Variants in TXNDC11 observed in about 807,000 individuals in gnomAD.
The protein encoded by TXNDC11 is thioredoxin domain-containing protein 11.
A neutral mutation model predicts 78.0 loss-of-function variants in TXNDC11; 68 were observed. The observed-to-expected ratio is 0.87, with a 90% CI of 0.72 to 1.07. TXNDC11 has a LOEUF of 1.07. Among genes scored for constraint, TXNDC11 ranks in the 50% least tolerant of loss-of-function variants. The probability of loss-of-function intolerance (pLI) is 0.00; values close to 1 mark genes in which losing one functional copy is unlikely to be tolerated. For synonymous variants in TXNDC11, 571 were observed against 495.2 expected (o/e 1.15, Z -2.03); for missense variants, 1,389 against 1,221.8 (o/e 1.14, Z -2.04).
At chr16:11,702,056 ATGTG>A (rs903858375) in intron 5 of TXNDC11, among the ~76,000 whole-genome samples, 47 of 146,712 alleles carry the variant, frequency 3.2e-4, no homozygotes, top group African/African-American at 1.2e-3. Flanking sequence ...TATAAAAGTT[ATGTG>A]TGTGTATGTG....
intron 2 of TXNDC11, among the ~76,000 whole-genome samples, chr16:11,735,303 T>C (rs1017791562): frequency 6.6e-6 from 1 of 152,214 alleles, no homozygotes; most frequent in African/African-American, 2.4e-5. Context: ...TAAAGGTATA[T>C]GGACCTGTTC....
In TXNDC11 at chr16:11,684,208, T is replaced by C. The variant is rs183613561; in HGVS notation, c.2191A>G (p.Met731Val). 7.4e-6 allele frequency: 12 copies of C among 1,613,856 alleles called. No individual in the cohort carries two copies. The highest frequency in any genetic ancestry group is 1.3e-5 in the African/African-American group (1 of 75,014). Residue 731 changes from methionine (M) to valine (V), a missense_variant, in exon 11 of 12, where the codon ATG becomes GTG. By Grantham distance (21) the Met-to-Val change is conservative. Coordinates refer to ENST00000283033, the MANE Select transcript of TXNDC11 (RefSeq NM_015914.7). ...VSQNDLPWEF[M>V]VDRLPTVLFF... is the part of the protein sequence containing the mutation. Reference sequence around the variant, plus strand: ...AAGACAGTAGGAAGACGATCGACCATAAATTCCCAAGGAAGGTCATTCTGA... The same window carrying C: ...AAGACAGTAGGAAGACGATCGACCACAAATTCCCAAGGAAGGTCATTCTGA...
Position 11,727,497 on chromosome 16 carries a change from T to C in TXNDC11, c.699+3148A>G, listed in dbSNP as rs1286815486. On this transcript the variant is annotated intron_variant, in intron 4 of 11. Transcript: ENST00000283033. ...TCTTGACCAAAACAAGTATCTTTCA[T>C]AGTAAGATGTCTTTAAATTAGCAAG... Among the ~76,000 whole-genome samples, 11 of 152,320 alleles carry C rather than the reference T, an allele frequency of 7.2e-5. No homozygotes were observed. The South Asian group carries it at 2.3e-3, about 32-fold the overall frequency.
chr16:11,721,012 G>A (rs1427835621), intron 5 of TXNDC11, among the ~76,000 whole-genome samples: 2 of 151,816 alleles, frequency 1.3e-5, no homozygotes, highest in African/African-American at 4.8e-5. Flanking sequence ...AAAGTGCTGG[G>A]ACTACGGGCA....
intron 3 of TXNDC11, among the ~76,000 whole-genome samples, chr16:11,731,036 A>G (rs1010449984): frequency 6.6e-6 from 1 of 152,170 alleles, no homozygotes; most frequent in Non-Finnish European, 1.5e-5. Flanking sequence ...TTGCCAAACA[A>G]GGAACATTTA....
chr16:11,698,444 G>C (rs1370222677), intron 6 of TXNDC11, 119 bp from the exon 7 acceptor site: 5 of 820,308 alleles, frequency 6.1e-6, no homozygotes, highest in Non-Finnish European at 9.8e-6. Context: ...CGTGGAGCGG[G>C]GCCTGGCCCC....
chr16:11,684,501 C>G (rs1252987213), intron 10 of TXNDC11, among the ~76,000 whole-genome samples: 1 of 152,114 alleles, frequency 6.6e-6, no homozygotes, highest in Non-Finnish European at 1.5e-5. Flanking sequence ...GCAGAAAATG[C>G]CGCACTGACA....
At chr16:11,696,849 G>A (rs1362908129) in intron 7 of TXNDC11, among the ~76,000 whole-genome samples, 2 of 152,158 alleles carry the variant, frequency 1.3e-5, no homozygotes, top group African/African-American at 4.8e-5. Flanking sequence ...GGCAGAGGCT[G>A]TGGGCTCCTG....
At chr16:11,715,010 G>C (rs538676796) in intron 5 of TXNDC11, among the ~76,000 whole-genome samples, 2 of 152,228 alleles carry the variant, frequency 1.3e-5, no homozygotes, top group South Asian at 4.1e-4. Flanking sequence ...CAGCACTTTG[G>C]GAGGCCAAAG....
At chr16:11,707,147 C>T (rs2051204486) in intron 5 of TXNDC11, among the ~76,000 whole-genome samples, 1 of 152,072 alleles carries the variant, frequency 6.6e-6, no homozygotes, top group East Asian at 1.9e-4. Context: ...CAGTTTAGGG[C>T]TGGATGCGGT....
intron 6 of TXNDC11, among the ~76,000 whole-genome samples, chr16:11,699,386 A>T (rs997421007): frequency 3.3e-5 from 5 of 152,362 alleles, no homozygotes; most frequent in Admixed American, 6.5e-5. Flanking sequence ...TAGGAAAATG[A>T]CAGATAGCAA....
At chr16:11,730,035 A>T (rs1464062986) in intron 4 of TXNDC11, among the ~76,000 whole-genome samples, 1 of 152,180 alleles carries the variant, frequency 6.6e-6, no homozygotes, top group Non-Finnish European at 1.5e-5. Flanking sequence ...TGGAGTTTGC[A>T]GTGAGCTGAG....
At chr16:11,700,343 G>A (rs936748069) in intron 6 of TXNDC11, 109 bp downstream of exon 6, 19 of 510,870 alleles carry the variant, frequency 3.7e-5, no homozygotes, top group Admixed American at 7.7e-5. Flanking sequence ...AATCATATGC[G>A]CTTTTCTAGA....
At chr16:11,724,228 A>C (rs926586860) in intron 4 of TXNDC11, among the ~76,000 whole-genome samples, 1 of 152,188 alleles carries the variant, frequency 6.6e-6, no homozygotes, top group Non-Finnish European at 1.5e-5. Context: ...GGCTACAGTG[A>C]GCAGAGATCG....
chr16:11,731,292 GA>G, intron 3 of TXNDC11, among the ~76,000 whole-genome samples: 1 of 152,324 alleles, frequency 6.6e-6, no homozygotes, highest in South Asian at 2.1e-4. Flanking sequence ...AAACCTATTT[GA>G]AGCTTTATTA....
chr16:11,735,930 C>T, intron 2 of TXNDC11, 87 bp downstream of exon 2: 1 of 1,340,188 alleles, frequency 7.5e-7, no homozygotes, highest in Admixed American at 1.7e-5. Flanking sequence ...AAAGTCTGCC[C>T]GTTGGGCAAG....
At chr16:11,716,571 G>T (rs2051532764) in intron 5 of TXNDC11, among the ~76,000 whole-genome samples, 1 of 152,144 alleles carries the variant, frequency 6.6e-6, no homozygotes, top group African/African-American at 2.4e-5. Flanking sequence ...ACTGTGAAAT[G>T]ATTAAACATT....
At chr16:11,731,093 A>C (rs952265641) in intron 3 of TXNDC11, among the ~76,000 whole-genome samples, 2 of 152,256 alleles carry the variant, frequency 1.3e-5, no homozygotes, top group Non-Finnish European at 2.9e-5. Flanking sequence ...GTTCTTTTAA[A>C]AACAAAACAG....
At position 11,683,384 on chromosome 16, in the gene TXNDC11, GA is replaced by G. The variant is rs1381597780; in HGVS notation, c.2234+780del. On this transcript the variant is annotated intron_variant, in intron 11 of 11. Coordinates refer to ENST00000283033, the MANE Select transcript of TXNDC11 (RefSeq NM_015914.7). ...AGAAAACCCCTTTGTAGGCCTCCTG[GA>G]ATCCGAGAAAAGGACGTGCCATGGG... is the stretch of plus-strand genomic sequence containing the variant. 3.9e-5 allele frequency among the ~76,000 whole-genome samples: 6 copies of G among 152,288 alleles called. No individual in the cohort carries two copies. In the East Asian group the frequency reaches 1.2e-3, roughly 29 times the overall value.
Sources: gnomAD v4.1 joint callset for allele counts (sites outside exome capture counted in the v4.1 genomes callset) on GRCh38, gnomAD v4.1.1 for gene constraint, MANE v1.5 for transcripts, NCBI Gene and HGNC (gene_info 2026-07-23, HGNC 2026-07-21) for gene names.